Variants in PRKCA observed in about 807,000 individuals in gnomAD.
PRKCA encodes protein kinase C alpha, also known as protein kinase C alpha type.
PRKCA carries 27 observed loss-of-function variants against 87.0 expected under a neutral mutation model. That is an observed-to-expected ratio of 0.31 (90% CI 0.23 to 0.43). The LOEUF is 0.43. Among genes scored for constraint, PRKCA ranks in the 20% least tolerant of loss-of-function variants. PRKCA has a pLI of 1.00. For synonymous variants in PRKCA, 329 were observed against 311.1 expected (o/e 1.06, Z -0.61); for missense variants, 518 against 852.3 (o/e 0.61, Z 4.88).
chr17:66,531,815 G>T (rs1483288874), intron 3 of PRKCA, among the ~76,000 whole-genome samples: 2 of 152,184 alleles, frequency 1.3e-5, no homozygotes, highest in Non-Finnish European at 1.5e-5. Context: ...GCAAGTCCTG[G>T]TTGGTGACCA....
chr17:66,799,676 G>GTGGTGGTGA (rs1471132104), intron 16 of PRKCA, among the ~76,000 whole-genome samples: 23 of 144,030 alleles, frequency 1.6e-4, no homozygotes, highest in African/African-American at 5.8e-4. Context: ...GGTGGTGGTG[G>GTGGTGGTGA]TGGTAATGGT....
chr17:66,483,615 AC>A (rs1196580763), intron 2 of PRKCA, among the ~76,000 whole-genome samples: 1 of 151,470 alleles, frequency 6.6e-6, no homozygotes, highest in African/African-American at 2.4e-5. Flanking sequence ...GGTGCTCACC[AC>A]CTCTCCCAGC....
chr17:66,595,860 G>A (rs886215409), intron 3 of PRKCA, among the ~76,000 whole-genome samples: 1 of 152,170 alleles, frequency 6.6e-6, no homozygotes, highest in Non-Finnish European at 1.5e-5. Context: ...CATAGCAAAC[G>A]TGCATCAAAA....
chr17:66,612,206 C>T (rs1184737472), intron 3 of PRKCA, among the ~76,000 whole-genome samples: 2 of 151,568 alleles, frequency 1.3e-5, no homozygotes, highest in East Asian at 3.9e-4. Flanking sequence ...CATGGTAAAA[C>T]CCTGTCTCTA....
intron 2 of PRKCA, among the ~76,000 whole-genome samples, chr17:66,330,408 C>T (rs981469550): frequency 2.6e-5 from 4 of 152,048 alleles, no homozygotes; most frequent in African/African-American, 7.2e-5. Context: ...CACCTGGCCC[C>T]TGGAGATAAT....
chr17:66,544,881 C>T (rs1181804726), intron 3 of PRKCA, among the ~76,000 whole-genome samples: 1 of 152,158 alleles, frequency 6.6e-6, no homozygotes, highest in Non-Finnish European at 1.5e-5. Flanking sequence ...GCATGAGCCA[C>T]CATGTCCGAC....
chr17:66,656,197 A>T (rs1971730359), intron 5 of PRKCA, among the ~76,000 whole-genome samples: 1 of 152,212 alleles, frequency 6.6e-6, no homozygotes, highest in Non-Finnish European at 1.5e-5. Context: ...GCACCCTGGT[A>T]TCCATGCTCA....
intron 3 of PRKCA, among the ~76,000 whole-genome samples, chr17:66,535,945 T>G (rs778402251): frequency 6.6e-6 from 1 of 152,226 alleles, no homozygotes; most frequent in Non-Finnish European, 1.5e-5. Context: ...ACATACTGAA[T>G]GGACAGCATT....
At chr17:66,738,640 T>G in intron 10 of PRKCA, 124 bp from the exon 11 acceptor site, 2 of 763,290 alleles carry the variant, frequency 2.6e-6, no homozygotes, top group Non-Finnish European at 4.6e-6. Flanking sequence ...AGCTCTAAAC[T>G]GAGCACATCT....
intron 16 of PRKCA, among the ~76,000 whole-genome samples, chr17:66,791,742 C>A (rs1975543561): frequency 1.3e-5 from 2 of 152,230 alleles, no homozygotes; most frequent in African/African-American, 4.8e-5. Context: ...ATTCCAGTGG[C>A]TGGAGAGGAC....
Position 66,687,106 on chromosome 17 carries a change from C to A in PRKCA, c.530-5C>A. 1 of 1,605,866 alleles carries A rather than the reference C, an allele frequency of 6.2e-7. No homozygotes were observed. The highest frequency in any genetic ancestry group is 8.5e-7 in the Non-Finnish European group (1 of 1,174,336). On this transcript the variant is annotated splice_region_variant and splice_polypyrimidine_tract_variant and intron_variant, in intron 5 of 16. Coordinates refer to ENST00000413366, the MANE Select transcript of PRKCA (RefSeq NM_002737.3). ...TGTAATATTTTCTTCCTTCTCTCTTCACAGTACGAGATGCAAAAAATCTAA... is the reference window on the plus strand; with the variant it reads ...TGTAATATTTTCTTCCTTCTCTCTTAACAGTACGAGATGCAAAAAATCTAA...
chr17:66,469,754 C>T (rs191151458), intron 2 of PRKCA, among the ~76,000 whole-genome samples: 6 of 152,196 alleles, frequency 3.9e-5, no homozygotes, highest in East Asian at 1.9e-4. Flanking sequence ...TTCTGAAGTG[C>T]GAACACAATC....
intron 3 of PRKCA, among the ~76,000 whole-genome samples, chr17:66,550,115 C>T (rs2143207896): frequency 6.6e-6 from 1 of 152,262 alleles, no homozygotes; most frequent in East Asian, 1.9e-4. Flanking sequence ...CGCAGACTTG[C>T]TTTTCTGACA....
chr17:66,768,495 A>G (rs1266886705), intron 13 of PRKCA, among the ~76,000 whole-genome samples: 1 of 152,162 alleles, frequency 6.6e-6, no homozygotes, highest in South Asian at 2.1e-4. Context: ...CAATTAGTCC[A>G]TTTTCACACT....
intron 8 of PRKCA, among the ~76,000 whole-genome samples, chr17:66,723,072 G>A (rs75900143): frequency 0.025 from 3,731 of 152,274 alleles, 56 homozygotes; most frequent in Non-Finnish European, 0.037. Flanking sequence ...CCCTTAGGAG[G>A]GTGTGGGAGC....
rs1444777156 is a variant in PRKCA, at chr17:66,788,961, A to G, written c.1836A>G (p.Pro612=). 1.2e-6 allele frequency: 2 copies of G among 1,614,040 alleles called. No individual in the cohort carries two copies. The highest frequency in any genetic ancestry group is 2.7e-5 in the African/African-American group (2 of 74,930). The change falls in exon 16 of 17, where the codon CCA becomes CCG. Residue 612 remains proline, a synonymous_variant. Coordinates refer to ENST00000413366, the MANE Select transcript of PRKCA (RefSeq NM_002737.3). ...WEKLENREIQ[P]PFKPKVCGKG... ...AACTGGAGAACAGGGAGATCCAGCC[A>G]CCATTCAAGCCCAAAGTGGTGAGTC...
chr17:66,339,757 G>C (rs1345541360), intron 2 of PRKCA: 1 of 152,140 alleles, frequency 6.6e-6, no homozygotes, highest in Non-Finnish European at 1.5e-5. Flanking sequence ...TCCTTTTGCT[G>C]CATTAACCCC....
At chr17:66,326,321 ATGT>A (rs1176005169) in intron 2 of PRKCA, among the ~76,000 whole-genome samples, 1 of 152,106 alleles carries the variant, frequency 6.6e-6, no homozygotes, top group Admixed American at 6.6e-5. Flanking sequence ...TTAAAAGCAA[ATGT>A]TGTCTTCCCT....
intron 8 of PRKCA, among the ~76,000 whole-genome samples, chr17:66,693,835 A>G (rs907707638): frequency 3.3e-5 from 5 of 152,208 alleles, no homozygotes; most frequent in Admixed American, 6.5e-5. Context: ...GTGTATTCCA[A>G]TAACACGTTA....
Sources: allele counts gnomAD v4.1 joint callset (sites outside exome capture counted in the v4.1 genomes callset), GRCh38; gene constraint gnomAD v4.1.1; transcripts MANE v1.5; gene names NCBI Gene and HGNC (gene_info 2026-07-23, HGNC 2026-07-21).